Variants in BCL11B observed in about 807,000 individuals in gnomAD.
The protein encoded by BCL11B is BCL11 transcription factor B.
BCL11B carries 8 observed loss-of-function variants against 49.9 expected under a neutral mutation model. That is an observed-to-expected ratio of 0.16 (90% CI 0.09 to 0.29). The LOEUF is 0.29. BCL11B is among the 10% of genes least tolerant of loss of function. The pLI, the probability that BCL11B is intolerant of heterozygous loss-of-function variation, is 1.00. For missense variants in BCL11B, 1,006 were observed against 1,351.0 expected (o/e 0.74, Z 4.00); for synonymous variants, 739 against 637.4 (o/e 1.16, Z -2.40).
intron 3 of BCL11B, among the ~76,000 whole-genome samples, chr14:99,193,198 A>G (rs952004936): frequency 2.0e-5 from 3 of 152,250 alleles, no homozygotes; most frequent in African/African-American, 7.2e-5. Flanking sequence ...CTGGCTCATC[A>G]CCACTGTCTG....
rs1886360973 is a variant in BCL11B at position 99,173,561 on chromosome 14, A to C, written c.*590T>G. 1 of 180,306 alleles carries C rather than the reference A, an allele frequency of 5.5e-6. No homozygotes were observed. Among genetic ancestry groups the C allele is most frequent in the South Asian group, 2.2e-4 (1 of 4,588 alleles). 11.2% of individuals were successfully genotyped at this position (180,306 alleles called of 1,614,324 possible). On this transcript the variant is annotated 3_prime_UTR_variant, in exon 4 of 4. Coordinates refer to ENST00000357195, the MANE Select transcript of BCL11B (RefSeq NM_138576.4). ...CACCCCAAAAACAAAAACCAAAAAA[A>C]AAATTAAAAAATAATTAAAAAAAAA...
intron 3 of BCL11B, among the ~76,000 whole-genome samples, chr14:99,201,461 A>C (rs891238761): frequency 2.6e-5 from 4 of 152,116 alleles, no homozygotes; most frequent in African/African-American, 9.7e-5. Flanking sequence ...AGAGATGAGA[A>C]ACTCAAGGCT....
At chr14:99,261,111 T>A (rs551973181) in intron 1 of BCL11B, among the ~76,000 whole-genome samples, 1 of 152,350 alleles carries the variant, frequency 6.6e-6, no homozygotes, top group South Asian at 2.1e-4. Context: ...CTTGGCCTGC[T>A]GTGTGCGACA....
chr14:99,259,612 A>G (rs1889279442), intron 1 of BCL11B, among the ~76,000 whole-genome samples: 1 of 152,210 alleles, frequency 6.6e-6, no homozygotes, highest in Non-Finnish European at 1.5e-5. Context: ...GGCAGTACAG[A>G]AACGCCCCGC....
intron 3 of BCL11B, among the ~76,000 whole-genome samples, chr14:99,225,285 A>T (rs1888127548): frequency 6.6e-6 from 1 of 152,124 alleles, no homozygotes; most frequent in Non-Finnish European, 1.5e-5. Flanking sequence ...CCATTTATAT[A>T]ATGAAGAGGT....
chr14:99,178,840 C>T (rs949913778), intron 3 of BCL11B, among the ~76,000 whole-genome samples: 2 of 152,214 alleles, frequency 1.3e-5, no homozygotes, highest in Non-Finnish European at 2.9e-5. Flanking sequence ...AATCAATTCA[C>T]AGCTTTCCGT....
chr14:99,207,975 A>G (rs1292628180), intron 3 of BCL11B, among the ~76,000 whole-genome samples: 2 of 152,180 alleles, frequency 1.3e-5, no homozygotes, highest in African/African-American at 4.8e-5. Flanking sequence ...GCGGAGCAGC[A>G]TTATTGGGAG....
At position 99,172,979 on chromosome 14, in the gene BCL11B, A is replaced by G. The variant is rs1886340002; in HGVS notation, c.*1172T>C. ...CATCCCTACAATATCATCAGTGTGC[A>G]TTAAATGAGAGAACACTAACTTCAA... On this transcript the variant is annotated 3_prime_UTR_variant, in exon 4 of 4. Transcript: ENST00000357195. 9.4e-6 allele frequency: 2 copies of G among 211,826 alleles called. No individual in the cohort carries two copies. The highest frequency in any genetic ancestry group is 9.5e-6 in the Non-Finnish European group (1 of 104,952). 13.1% of individuals were successfully genotyped at this position (211,826 alleles called of 1,614,324 possible). A position where few individuals can be genotyped will look rare whatever the true frequency, so the allele number is the denominator to read the frequency against.
At chr14:99,211,547 C>A (rs1420362904) in intron 3 of BCL11B, among the ~76,000 whole-genome samples, 2 of 152,200 alleles carry the variant, frequency 1.3e-5, no homozygotes, top group Non-Finnish European at 2.9e-5. Flanking sequence ...CGTGTGCACA[C>A]AGACATATGT....
chr14:99,252,873 T>C (rs1889047961), intron 2 of BCL11B, among the ~76,000 whole-genome samples: 1 of 152,232 alleles, frequency 6.6e-6, no homozygotes, highest in Non-Finnish European at 1.5e-5. Flanking sequence ...CTTCAGTGAC[T>C]ATCAAGTGAG....
intron 2 of BCL11B, among the ~76,000 whole-genome samples, chr14:99,251,820 A>G (rs878954287): frequency 6.6e-6 from 1 of 152,122 alleles, no homozygotes; most frequent in Admixed American, 6.5e-5. Flanking sequence ...TCAAGGCCCC[A>G]CCAGCCAGAC....
At chr14:99,178,233 G>A (rs1566796300) in intron 3 of BCL11B, among the ~76,000 whole-genome samples, 1 of 152,346 alleles carries the variant, frequency 6.6e-6, no homozygotes, top group East Asian at 1.9e-4. Flanking sequence ...GTGATGAGAA[G>A]ACGGTGGTAG....
At chr14:99,239,834 A>G (rs1888609920) in intron 2 of BCL11B, among the ~76,000 whole-genome samples, 2 of 152,202 alleles carry the variant, frequency 1.3e-5, no homozygotes, top group Admixed American at 6.5e-5. Flanking sequence ...CCATGTACAG[A>G]CAGTGCAATG....
Position 99,271,314 on chromosome 14 carries a change from TGCCGCCGCCGCCGCCGCC to T in BCL11B, c.-114_-97del. 1.2e-6 allele frequency: 1 copy of T among 849,206 alleles called. No homozygotes were observed. Among genetic ancestry groups the T allele is most frequent in the Non-Finnish European group, 1.5e-6 (1 of 652,182 alleles). 52.6% of individuals were successfully genotyped at this position (849,206 alleles called of 1,614,324 possible). ...GCCGCCGCCGCGCCGCTGCCGCCGC[TGCCGCCGCCGCCGCCGCC>T]GCCGCACCTCCTCCTCTGCCCGGGT... On this transcript the variant is annotated 5_prime_UTR_variant, in exon 1 of 4. Transcript: ENST00000357195.
At chr14:99,240,492 T>C (rs1240300944) in intron 2 of BCL11B, among the ~76,000 whole-genome samples, 2 of 152,238 alleles carry the variant, frequency 1.3e-5, no homozygotes, top group Non-Finnish European at 2.9e-5. Context: ...AAGTCTGAAA[T>C]GTCACTGACT....
At chr14:99,201,166 G>A (rs1219632766) in intron 3 of BCL11B, among the ~76,000 whole-genome samples, 1 of 152,204 alleles carries the variant, frequency 6.6e-6, no homozygotes, top group African/African-American at 2.4e-5. Flanking sequence ...CATTTCTACA[G>A]AGGAAAACGC....
At chr14:99,217,063 G>A (rs1887861085) in intron 3 of BCL11B, among the ~76,000 whole-genome samples, 1 of 151,836 alleles carries the variant, frequency 6.6e-6, no homozygotes. Context: ...TATACACTTA[G>A]TCATGTACAC....
chr14:99,257,799 G>A lies in BCL11B; in HGVS notation c.99C>T (p.Asp33=), dbSNP rs141214308. 4.0e-5 allele frequency: 62 copies of A among 1,561,122 alleles called. No individual in the cohort carries two copies. Among genetic ancestry groups the A allele is most frequent in the Middle Eastern group, 1.7e-4 (1 of 5,800 alleles). The change falls in exon 2 of 4, where the codon GAC becomes GAT. Residue 33 remains aspartate, a synonymous_variant. Transcript: ENST00000357195. The surrounding 1 kb of genome is among the most constrained non-coding windows in gnomAD (Gnocchi z 6.2). ...TTGGCTCCTCTATCTCCAGACCCTC[G>A]TCTTCTTCGAGGATGGCGGCCTCCA... is the stretch of plus-strand genomic sequence containing the variant. The part of the protein sequence containing the change: ...DHVEAAILEE[D]EGLEIEEPSG...
chr14:99,196,209 C>T (rs1887174650), intron 3 of BCL11B, among the ~76,000 whole-genome samples: 1 of 152,198 alleles, frequency 6.6e-6, no homozygotes, highest in Non-Finnish European at 1.5e-5. Context: ...CACGTCTCCC[C>T]AGCCAAGCCC....
Sources: allele counts gnomAD v4.1 joint callset (sites outside exome capture counted in the v4.1 genomes callset), GRCh38; gene constraint gnomAD v4.1.1; non-coding constraint Gnocchi (gnomAD v3.1); transcripts MANE v1.5; gene names NCBI Gene and HGNC (gene_info 2026-07-23, HGNC 2026-07-21).